Variants in SLC4A4 observed in about 807,000 individuals in gnomAD.
The protein encoded by SLC4A4 is electrogenic sodium bicarbonate cotransporter 1.
SLC4A4 carries 27 observed loss-of-function variants against 111.5 expected under a neutral mutation model. The ratio of observed to expected loss-of-function variants is 0.24; its 90% CI spans 0.18 to 0.33. The LOEUF (loss-of-function observed/expected upper bound fraction) is 0.33. Among genes scored for constraint, SLC4A4 ranks in the 10% least tolerant of loss-of-function variants. The pLI, the probability that SLC4A4 is intolerant of heterozygous loss-of-function variation, is 1.00. For synonymous variants in SLC4A4, 443 were observed against 463.4 expected, an observed-to-expected ratio of 0.96 and a Z score of 0.57; for missense variants, 909 against 1,315.5, an observed-to-expected ratio of 0.69 and a Z score of 4.78.
intron 16 of SLC4A4, among the ~76,000 whole-genome samples, chr4:71,502,226 G>A (rs1731012981): frequency 6.6e-6 from 1 of 152,224 alleles, no homozygotes; most frequent in African/African-American, 2.4e-5. Context: ...CTCCCAAAGT[G>A]TTGGGATTAC....
intron 8 of SLC4A4, among the ~76,000 whole-genome samples, chr4:71,443,727 G>A (rs1004886205): frequency 6.6e-6 from 1 of 152,104 alleles, no homozygotes. Flanking sequence ...TATTAAGTAA[G>A]CTCCAGACTG....
chr4:71,486,905 T>A, intron 14 of SLC4A4, 43 bp from the exon 15 acceptor site: 1 of 1,274,846 alleles, frequency 7.8e-7, no homozygotes, highest in South Asian at 1.3e-5. Flanking sequence ...GGTCTTTTTC[T>A]ATTTTAGTTT....
At chr4:71,350,528 C>T (rs1729732181) in intron 5 of SLC4A4, among the ~76,000 whole-genome samples, 1 of 152,090 alleles carries the variant, frequency 6.6e-6, no homozygotes, top group South Asian at 2.1e-4. Context: ...CAGGTACCTG[C>T]CACTTGTACC....
chr4:71,117,235 C>G (rs1743293940), intron 2 of SLC4A4, among the ~76,000 whole-genome samples: 1 of 152,104 alleles, frequency 6.6e-6, no homozygotes, highest in South Asian at 2.1e-4. Context: ...CTTGCCTTGG[C>G]CTCCTAAAGT....
At chr4:71,226,895 C>T (rs1370123135) in intron 1 of SLC4A4, among the ~76,000 whole-genome samples, 2 of 151,992 alleles carry the variant, frequency 1.3e-5, no homozygotes, top group Admixed American at 6.5e-5. Flanking sequence ...AGTCACTACA[C>T]ATAGTTAGTA....
intron 5 of SLC4A4, among the ~76,000 whole-genome samples, chr4:71,354,759 A>G (rs1228313938): frequency 6.6e-6 from 1 of 152,196 alleles, no homozygotes; most frequent in Non-Finnish European, 1.5e-5. Context: ...ACTTAGAGTC[A>G]GAAAACCTGG....
intron 3 of SLC4A4, among the ~76,000 whole-genome samples, chr4:71,277,635 C>T (rs963954331): frequency 6.8e-6 from 1 of 147,508 alleles, no homozygotes; most frequent in South Asian, 2.2e-4. Context: ...TCCTCTCTCT[C>T]TCATTCACTT....
intron 8 of SLC4A4, among the ~76,000 whole-genome samples, chr4:71,446,483 A>G (rs926564684): frequency 2.0e-5 from 3 of 152,170 alleles, no homozygotes; most frequent in Admixed American, 2.0e-4. Context: ...AGGTAGTATT[A>G]GGCAGAAATA....
intron 8 of SLC4A4, among the ~76,000 whole-genome samples, chr4:71,441,773 A>G (rs1041560881): frequency 2.6e-5 from 4 of 152,234 alleles, no homozygotes; most frequent in Admixed American, 1.3e-4. Context: ...CTTCCTCATC[A>G]TACAGGTATT....
chr4:71,379,520 G>A (rs1047736626), intron 6 of SLC4A4, among the ~76,000 whole-genome samples: 2 of 151,638 alleles, frequency 1.3e-5, no homozygotes, highest in African/African-American at 2.4e-5. Flanking sequence ...TCCTCCCATC[G>A]CACTGCACAA....
intron 3 of SLC4A4, among the ~76,000 whole-genome samples, chr4:71,271,535 T>G (rs1722700816): frequency 6.6e-6 from 1 of 152,222 alleles, no homozygotes; most frequent in Non-Finnish European, 1.5e-5. Flanking sequence ...GGATTAATAT[T>G]GTTCCTACAG....
At chr4:71,136,927 G>A (rs977521948) in intron 2 of SLC4A4, among the ~76,000 whole-genome samples, 3 of 152,132 alleles carry the variant, frequency 2.0e-5, no homozygotes, top group Non-Finnish European at 4.4e-5. Context: ...AGATGAAGAA[G>A]CTGAAACTTT....
chr4:71,098,301 GC>G (rs1742618775), intron 2 of SLC4A4, among the ~76,000 whole-genome samples: 1 of 152,090 alleles, frequency 6.6e-6, no homozygotes, highest in Non-Finnish European at 1.5e-5. Flanking sequence ...CCCGTTGCTT[GC>G]TTTTGTCAGA....
At chr4:71,373,827 G>A (rs780775295) in intron 6 of SLC4A4, among the ~76,000 whole-genome samples, 11 of 152,120 alleles carry the variant, frequency 7.2e-5, no homozygotes, top group Non-Finnish European at 1.6e-4. Context: ...AAATGTTATA[G>A]GAATGGTGTT....
At chr4:71,117,384 T>A (rs1415069525) in intron 2 of SLC4A4, among the ~76,000 whole-genome samples, 1 of 152,220 alleles carries the variant, frequency 6.6e-6, no homozygotes, top group Non-Finnish European at 1.5e-5. Flanking sequence ...ATAGATGGCT[T>A]GTGAATGATT....
intron 23 of SLC4A4, among the ~76,000 whole-genome samples, chr4:71,561,012 A>G (rs1736933752): frequency 6.6e-6 from 1 of 151,808 alleles, no homozygotes; most frequent in Admixed American, 6.6e-5. Context: ...ACTTTAACAC[A>G]TGCGGACACC....
chr4:71,097,655 T>C (rs1742597446), intron 2 of SLC4A4, among the ~76,000 whole-genome samples: 1 of 152,206 alleles, frequency 6.6e-6, no homozygotes, highest in Non-Finnish European at 1.5e-5. Flanking sequence ...TGTATAAGTG[T>C]TCCCTTTTCT....
chr4:71,440,980 G>A lies in SLC4A4; in HGVS notation c.965+207G>A, dbSNP rs574652523. On this transcript the variant is annotated intron_variant, in intron 8 of 25. Coordinates refer to ENST00000264485, the MANE Select transcript of SLC4A4 (RefSeq NM_001098484.3). The stretch of plus-strand genomic sequence containing the variant: ...AATAGCAATTATAATAGTTTATTGG[G>A]CAGTGTACTAGGTTCTTCTTTTGGA... 2.6e-5 allele frequency among the ~76,000 whole-genome samples: 4 copies of A among 152,218 alleles called. No individual in the cohort carries two copies. The South Asian group carries it at 6.2e-4, about 24-fold the overall frequency.
At chr4:71,443,116 C>CTATATATATATATA (rs1168996571) in intron 8 of SLC4A4, among the ~76,000 whole-genome samples, 4 of 65,654 alleles carry the variant, frequency 6.1e-5, no homozygotes, top group African/African-American at 8.7e-5. Context: ...CTCTCTCTCT[C>CTATATATATATATA]TATATATATA....
Sources: allele counts gnomAD v4.1 joint callset (sites outside exome capture counted in the v4.1 genomes callset), GRCh38; gene constraint gnomAD v4.1.1; transcripts MANE v1.5; gene names NCBI Gene and HGNC (gene_info 2026-07-23, HGNC 2026-07-21).